Variants in HCLS1 observed in about 807,000 individuals in gnomAD.
The protein encoded by HCLS1 is hematopoietic cell-specific Lyn substrate 1, also known as hematopoietic lineage cell-specific protein.
In HCLS1, 44 loss-of-function variants were observed where a neutral mutation model predicts 68.6. That is an observed-to-expected ratio of 0.64 (90% confidence interval 0.50 to 0.82). HCLS1 has a LOEUF of 0.82. Among genes scored for constraint, HCLS1 ranks in the 40% least tolerant of loss-of-function variants. HCLS1 has a pLI of 0.00. For synonymous variants in HCLS1, 217 were observed against 225.8 expected (o/e 0.96, Z 0.35); for missense variants, 602 against 612.1 (o/e 0.98, Z 0.17).
chr3:121,647,335 CT>C lies in HCLS1; in HGVS notation c.271del (p.Arg91GlufsTer138). On this transcript the variant is annotated frameshift_variant, in exon 4 of 14. Coordinates refer to ENST00000314583, the MANE Select transcript of HCLS1 (RefSeq NM_005335.6). LOFTEE classifies it high-confidence loss of function. ...HGYGGRFGVE[R>X]DRMDKSAVGH... is the part of the protein sequence containing the mutation. ...TCAACTTACCTTGTCCATTCGGTCTCTTTCTACTCCAAACCGACCTCCATAG... is the reference window on the plus strand; with the variant it reads ...TCAACTTACCTTGTCCATTCGGTCTCTTCTACTCCAAACCGACCTCCATAG... 2 of 1,614,024 alleles carry C rather than the reference CT, an allele frequency of 1.2e-6. No homozygotes were observed. Among genetic ancestry groups the C allele is most frequent in the Non-Finnish European group, 1.7e-6 (2 of 1,179,982 alleles).
intron 3 of HCLS1, among the ~76,000 whole-genome samples, chr3:121,648,299 C>CA (rs915907833): frequency 2.6e-5 from 4 of 151,820 alleles, no homozygotes; most frequent in Admixed American, 2.0e-4. Context: ...AAAGTACCAC[C>CA]AAAAAAGGCA....
chr3:121,640,782 A>AAGGGGAGGGGAGGGGAGGGGAGGGG (rs1185039803), intron 6 of HCLS1, among the ~76,000 whole-genome samples: 2 of 53,368 alleles, frequency 3.7e-5, no homozygotes, highest in African/African-American at 7.5e-5. Flanking sequence ...AAGGCAAGGG[A>AAGGGGAGGGGAGGGGAGGGGAGGGG]AGGGGAGGGG....
chr3:121,658,043 C>G, intron 2 of HCLS1: 1 of 513,470 alleles, frequency 1.9e-6, no homozygotes, highest in South Asian at 2.4e-5. Flanking sequence ...GTCAATCACA[C>G]TGTCAAACTC....
intron 11 of HCLS1, 143 bp downstream of exon 11, chr3:121,632,924 G>C (rs754933976): frequency 1.6e-5 from 10 of 619,122 alleles, no homozygotes; most frequent in Non-Finnish European, 2.6e-5. Context: ...CAGGACAGAG[G>C]AGTTTCCCAG....
At position 121,647,425 on chromosome 3, in the gene HCLS1, A is replaced by T; in HGVS notation, c.182T>A (p.Val61Glu). The T allele has an allele frequency of 6.2e-7, 1 of 1,614,034 alleles. No individual in the cohort carries two copies. The highest frequency in any genetic ancestry group is 1.1e-5 in the South Asian group (1 of 91,072). ...CCTGAGAACATCATGCTCCTCTGAT[A>T]CTTTGTTCCTCAGCTGGTGGATGCT... ...HINIHQLRNK[V>E]SEEHDVLRKK... Residue 61 changes from valine (V) to glutamate (E), a missense_variant, in exon 4 of 14, where the codon GTA becomes GAA. Transcript: ENST00000314583.
At chr3:121,643,431 A>G in intron 5 of HCLS1, 1 of 165,462 alleles carries the variant, frequency 6.0e-6, no homozygotes, top group Non-Finnish European at 1.3e-5. Flanking sequence ...ATCCTCACAA[A>G]AGTGAAATGT....
chr3:121,635,234 CTTTTCTCTCTCTCTCTCT>C (rs1236408980), intron 9 of HCLS1, among the ~76,000 whole-genome samples: 2 of 98,326 alleles, frequency 2.0e-5, no homozygotes, highest in Non-Finnish European at 4.0e-5. Flanking sequence ...TCTTCTCTCC[CTTTTCTCTCTCTCTCTCT>C]CTCTCTCTCT....
chr3:121,642,251 A>T (rs2049208365), intron 6 of HCLS1, among the ~76,000 whole-genome samples: 2 of 150,358 alleles, frequency 1.3e-5, no homozygotes, highest in East Asian at 3.9e-4. Context: ...CGAGGTCAGG[A>T]GATCGACACC....
chr3:121,636,472 C>A lies in HCLS1; in HGVS notation c.583G>T (p.Gly195Cys), dbSNP rs750301674. 3 of 1,613,792 alleles carry A rather than the reference C, an allele frequency of 1.9e-6. No individual in the cohort carries two copies. Among genetic ancestry groups the A allele is most frequent in the South Asian group, 1.1e-5 (1 of 91,060 alleles). The change falls in exon 8 of 14, where the codon GGT (glycine) becomes TGT (cysteine). Residue 195 changes from glycine (G) to cysteine (C), a missense_variant. Physicochemically the swap from Gly to Cys is radical, Grantham distance 159. Coordinates refer to ENST00000314583, the MANE Select transcript of HCLS1 (RefSeq NM_005335.6). ...TCCTTCTGGATTCCATACTGGCCAC[C>A]AAAGCCCTTGGCATAATCTGCAGGA... is the stretch of plus-strand genomic sequence containing the variant. Reference protein sequence around the residue: ...ESQRDYAKGFGGQYGIQKDRV... With the variant: ...ESQRDYAKGFCGQYGIQKDRV...
chr3:121,633,319 G>A (rs1031239213), intron 10 of HCLS1, 148 bp from the exon 11 acceptor site: 13 of 581,708 alleles, frequency 2.2e-5, no homozygotes, highest in South Asian at 2.2e-4. Flanking sequence ...AGGTTCAAGC[G>A]ATTCTCCTGC....
At position 121,633,268 on chromosome 3, in the gene HCLS1, T is replaced by G; in HGVS notation, c.904-97A>C. 1.1e-5 allele frequency: 8 copies of G among 755,782 alleles called. No homozygotes were observed. In the South Asian group the frequency reaches 1.2e-4, roughly 12 times the overall value. 46.8% of individuals were successfully genotyped at this position (755,782 alleles called of 1,614,324 possible). ...TCTCGCTCTGTAGCCCAGGCTGGAG[T>G]GCAGTGGTGCGATCTCAGCTCATTG... On this transcript the variant is annotated intron_variant, in intron 10 of 13. Coordinates refer to ENST00000314583, the MANE Select transcript of HCLS1 (RefSeq NM_005335.6).
chr3:121,655,683 T>G (rs1334234230), intron 3 of HCLS1: 2 of 143,030 alleles, frequency 1.4e-5, no homozygotes, highest in Admixed American at 6.9e-5. Context: ...TCTTGTGGTT[T>G]TTTTTTTTTT....
At chr3:121,646,146 A>G (rs1466710711) in intron 4 of HCLS1, among the ~76,000 whole-genome samples, 1 of 39,224 alleles carries the variant, frequency 2.5e-5, no homozygotes, top group Non-Finnish European at 4.5e-5. Context: ...TACTATATAT[A>G]AGTATATATA....
chr3:121,638,396 T>C (rs1277936547), intron 6 of HCLS1, among the ~76,000 whole-genome samples: 1 of 152,124 alleles, frequency 6.6e-6, no homozygotes, highest in Admixed American at 6.5e-5. Context: ...GAATAGGGAT[T>C]AGGATCGAGG....
chr3:121,634,154 T>G (rs2049126552), intron 10 of HCLS1, 53 bp downstream of exon 10: 1 of 1,610,894 alleles, frequency 6.2e-7, no homozygotes, highest in South Asian at 1.1e-5. Context: ...CCCCTTAGGC[T>G]CCTGTCTGGG....
chr3:121,638,932 G>C (rs1253280568), intron 6 of HCLS1, among the ~76,000 whole-genome samples: 1 of 151,930 alleles, frequency 6.6e-6, no homozygotes, highest in Non-Finnish European at 1.5e-5. Context: ...TGTAGTCCCA[G>C]CTACTCAGAA....
chr3:121,633,096 A>G lies in HCLS1; in HGVS notation c.979T>C (p.Leu327=), dbSNP rs751853579. 10 of 1,613,070 alleles carry G rather than the reference A, an allele frequency of 6.2e-6. No individual in the cohort carries two copies. Among genetic ancestry groups the G allele is most frequent in the Non-Finnish European group, 8.5e-6 (10 of 1,179,242 alleles). ...VRTSREHPVP[L]LPIRQTLPED... The stretch of plus-strand genomic sequence containing the variant: ...GGGAGAGTCTGCCTAATGGGCAGCA[A>G]GGGCACTGGGTGTTCCCTGCTGGTT... Residue 327 remains leucine (L), a synonymous_variant, in exon 11 of 14, where the codon TTG becomes CTG. Transcript: ENST00000314583.
chr3:121,638,100 GA>G (rs911822975), intron 6 of HCLS1, among the ~76,000 whole-genome samples: 5 of 152,160 alleles, frequency 3.3e-5, no homozygotes, highest in African/African-American at 1.2e-4. Flanking sequence ...TTTAGAGGTA[GA>G]GTCTTGCTCT....
chr3:121,639,212 C>G (rs1472136235), intron 6 of HCLS1, among the ~76,000 whole-genome samples: 2 of 152,082 alleles, frequency 1.3e-5, no homozygotes, highest in Admixed American at 6.5e-5. Flanking sequence ...AACTAATAAA[C>G]CTAATTGACT....
Sources: allele counts gnomAD v4.1 joint callset (sites outside exome capture counted in the v4.1 genomes callset), GRCh38; gene constraint gnomAD v4.1.1; transcripts MANE v1.5; gene names NCBI Gene and HGNC (gene_info 2026-07-23, HGNC 2026-07-21).